Variants in DIDO1 observed in about 807,000 individuals in gnomAD.
The protein encoded by DIDO1 is death-inducer obliterator 1.
In DIDO1, 16 loss-of-function variants were observed where a neutral mutation model predicts 99.4. The ratio of observed to expected loss-of-function variants is 0.16; its 90% CI spans 0.11 to 0.24. DIDO1 has a LOEUF of 0.24. Among genes scored for constraint, DIDO1 ranks in the 10% least tolerant of loss-of-function variants. DIDO1 has a pLI of 1.00. For missense variants in DIDO1, 2,996 were observed against 3,014.0 expected (o/e 0.99, Z 0.14); for synonymous variants, 1,366 against 1,239.1 (o/e 1.10, Z -2.15).
chr20:62,887,067 C>T (rs927297637), intron 15 of DIDO1: 2 of 970,498 alleles, frequency 2.1e-6, no homozygotes, highest in African/African-American at 3.5e-5. Flanking sequence ...CACCAGCCTG[C>T]ACTGCGTCCT....
chr20:62,905,280 G>A (rs1158639443), intron 6 of DIDO1: 17 of 1,377,764 alleles, frequency 1.2e-5, no homozygotes, highest in Non-Finnish European at 1.4e-5. Context: ...AAGCAGGAGT[G>A]TGTGGCCTTC....
intron 1 of DIDO1, among the ~76,000 whole-genome samples, chr20:62,921,705 C>A (rs1233183743): frequency 6.7e-6 from 1 of 149,756 alleles, no homozygotes; most frequent in African/African-American, 2.5e-5. Flanking sequence ...CTGATCACGG[C>A]TCACTGCAGC....
intron 1 of DIDO1, among the ~76,000 whole-genome samples, chr20:62,936,966 T>G (rs377152844): frequency 4.6e-5 from 7 of 152,262 alleles, no homozygotes; most frequent in East Asian, 1.9e-4. Flanking sequence ...GAAGCATAAT[T>G]TTGTCAAGAC....
In DIDO1 at chr20:62,879,776, C is replaced by T; in HGVS notation, c.6180G>A (p.Glu2060=). The change falls in exon 16 of 16, where the codon GAG becomes GAA. Residue 2060 remains glutamate (E), a synonymous_variant. Transcript: ENST00000395343. The surrounding 1 kb of genome is among the most constrained non-coding windows in gnomAD (Gnocchi z 6.3). The stretch of plus-strand genomic sequence containing the variant: ...CGGCCGATGCCCACTGTCCGTCGGC[C>T]TCGGGGCCCTGTCCGGGCGCACTGG... The part of the protein sequence containing the change: ...LSSSAPGQGP[E]ADGQWASADF... The T allele has an allele frequency of 4.3e-6, 7 of 1,611,660 alleles. No homozygotes were observed. Among genetic ancestry groups the T allele is most frequent in the Non-Finnish European group, 3.4e-6 (4 of 1,179,784 alleles).
At position 62,888,937 on chromosome 20, in the gene DIDO1, T is replaced by C. The variant is rs1328507520; in HGVS notation, c.3541+2023A>G. On this transcript the variant is annotated intron_variant, in intron 15 of 15. Coordinates refer to ENST00000395343, the MANE Select transcript of DIDO1 (RefSeq NM_001193369.2). Reference sequence around the variant, plus strand: ...TCTGAAGTGTATGGAAAGGTTTCACTAGCTGTTACTTTTCTAAAGTCCCTT... The same window carrying C: ...TCTGAAGTGTATGGAAAGGTTTCACCAGCTGTTACTTTTCTAAAGTCCCTT... 9 of 985,480 alleles carry C rather than the reference T, an allele frequency of 9.1e-6. No individual in the cohort carries two copies. The East Asian group carries it at 5.7e-4, about 62-fold the overall frequency. The allele number at this position is 985,480 out of a possible 1,614,324, so 61.0% of individuals were successfully genotyped here.
At chr20:62,899,445 G>A (rs2064612434) in intron 6 of DIDO1, among the ~76,000 whole-genome samples, 1 of 152,130 alleles carries the variant, frequency 6.6e-6, no homozygotes. Flanking sequence ...CGTAAGTGTT[G>A]GAATGAGGCG....
Position 62,910,832 on chromosome 20 carries a change from A to T in DIDO1, c.781T>A (p.Cys261Ser). The change falls in exon 3 of 16, where the codon TGT (cysteine) becomes AGT (serine). Residue 261 changes from cysteine (C) to serine (S), a missense_variant. Physicochemically the swap from Cys to Ser is moderately radical, Grantham distance 112 (BLOSUM62 -1). Around this residue, in one of 5 missense-constraint regions of DIDO1, gnomAD observed 388 missense variants for 376.6 expected, o/e 1.03. Coordinates refer to ENST00000395343, the MANE Select transcript of DIDO1 (RefSeq NM_001193369.2). ...AGGGCGTTGGGGTCGTAACCCTCAC[A>T]TTCAGGCTTCGGTCGGCCCAAGTCT... is the stretch of plus-strand genomic sequence containing the variant. ...PGDLGRPKPE[C>S]EGYDPNALYC... The T allele has an allele frequency of 6.2e-7, 1 of 1,614,164 alleles. No homozygotes were observed. The highest frequency in any genetic ancestry group is 8.5e-7 in the Non-Finnish European group (1 of 1,180,034).
intron 6 of DIDO1, among the ~76,000 whole-genome samples, chr20:62,903,364 G>A (rs1302472442): frequency 1.2e-4 from 18 of 152,212 alleles, no homozygotes; most frequent in Admixed American, 1.2e-3. Flanking sequence ...AGCAGCAGCG[G>A]TAGCTCCACC....
At chr20:62,886,005 GGTGT>G (rs2064291486) in intron 15 of DIDO1, among the ~76,000 whole-genome samples, 1 of 152,246 alleles carries the variant, frequency 6.6e-6, no homozygotes, top group Admixed American at 6.5e-5. Flanking sequence ...GCTGCCCCGT[GGTGT>G]GTGAGCCCTG....
At chr20:62,890,326 C>G in intron 15 of DIDO1, 2 of 986,220 alleles carry the variant, frequency 2.0e-6, no homozygotes, top group Non-Finnish European at 2.4e-6. Flanking sequence ...ACTAACAGAG[C>G]ACGTGGCCCC....
intron 1 of DIDO1, among the ~76,000 whole-genome samples, chr20:62,924,216 T>C (rs1252059048): frequency 6.6e-6 from 1 of 152,216 alleles, no homozygotes; most frequent in Non-Finnish European, 1.5e-5. Context: ...GTCATTTAAA[T>C]AAGAAATGTA....
At chr20:62,912,874 A>G (rs191253532) in intron 2 of DIDO1, among the ~76,000 whole-genome samples, 10 of 152,336 alleles carry the variant, frequency 6.6e-5, no homozygotes, top group Admixed American at 4.6e-4. Context: ...TCTATTAAAA[A>G]TACAAAAATT....
chr20:62,879,755 C>T lies in DIDO1; in HGVS notation c.6201G>A (p.Ser2067=), dbSNP rs767855912. 6.2e-6 allele frequency: 10 copies of T among 1,611,722 alleles called. No homozygotes were observed. In the Admixed American group the frequency reaches 1.3e-4, roughly 21 times the overall value. Residue 2067 remains serine (S), a synonymous_variant, in exon 16 of 16, where the codon TCG becomes TCA. Transcript: ENST00000395343. The surrounding 1 kb of genome is among the most constrained non-coding windows in gnomAD (Gnocchi z 6.3). The part of the protein sequence containing the change: ...QGPEADGQWA[S]ADFREGKGHE... ...GGCCTTTCCCCTCTCGGAAGTCGGC[C>T]GATGCCCACTGTCCGTCGGCCTCGG...
At chr20:62,895,262 C>T (rs770978447) in intron 8 of DIDO1, 97 bp from the exon 9 acceptor site, 40 of 1,187,214 alleles carry the variant, frequency 3.4e-5, no homozygotes, top group Non-Finnish European at 4.8e-5. Flanking sequence ...GTTTAGCGGG[C>T]ACAGGACAAA....
intron 12 of DIDO1, 151 bp downstream of exon 12, chr20:62,893,515 A>G (rs1176968662): frequency 2.2e-6 from 2 of 898,170 alleles, no homozygotes; most frequent in Middle Eastern, 2.7e-4. Context: ...ACAATAAGGC[A>G]CCCTACAACT....
chr20:62,883,724 C>G (rs1328085512), intron 15 of DIDO1, among the ~76,000 whole-genome samples: 2 of 152,138 alleles, frequency 1.3e-5, no homozygotes, highest in African/African-American at 2.4e-5. Context: ...ACTCAGGAGG[C>G]TGAGGCAGGA....
rs1410077631 is a variant in DIDO1, at chr20:62,894,616, A to C, written c.2437-68T>G. 3.2e-6 allele frequency: 5 copies of C among 1,570,040 alleles called. No individual in the cohort carries two copies. The highest frequency in any genetic ancestry group is 3.4e-6 in the Non-Finnish European group (4 of 1,162,738). On this transcript the variant is annotated intron_variant, in intron 10 of 15. Coordinates refer to ENST00000395343, the MANE Select transcript of DIDO1 (RefSeq NM_001193369.2). The surrounding 1 kb of genome is among the most constrained non-coding windows in gnomAD (Gnocchi z 4.4). Reference sequence around the variant, plus strand: ...AAACTCAGCTCCAAATTAACCACACACAAGAAAAGCAGTCTCATGGGATTG... The same window carrying C: ...AAACTCAGCTCCAAATTAACCACACCCAAGAAAAGCAGTCTCATGGGATTG...
chr20:62,901,692 C>A (rs543491640), intron 6 of DIDO1, among the ~76,000 whole-genome samples: 5 of 151,894 alleles, frequency 3.3e-5, no homozygotes, highest in Non-Finnish European at 7.4e-5. Flanking sequence ...TCCAGGTTTG[C>A]GGCAAATGAA....
rs971055726 is a variant in DIDO1, at chr20:62,880,100, C to T, written c.5856G>A (p.Ala1952=). Reference sequence around the variant, plus strand: ...CCCTGGGACCTGGCATAAAGTTAGGCGCTTGGCCTCTGGGTCCTTCAAACT... The same window carrying T: ...CCCTGGGACCTGGCATAAAGTTAGGTGCTTGGCCTCTGGGTCCTTCAAACT... ...PNQFEGPRGQ[A]PNFMPGPRGI... Residue 1952 remains alanine (A), a synonymous_variant, in exon 16 of 16, where the codon GCG becomes GCA. Transcript: ENST00000395343. 3 of 1,612,454 alleles carry T rather than the reference C, an allele frequency of 1.9e-6. No homozygotes were observed. Among genetic ancestry groups the T allele is most frequent in the South Asian group, 1.1e-5 (1 of 91,084 alleles).
Sources: allele counts gnomAD v4.1 joint callset (sites outside exome capture counted in the v4.1 genomes callset), GRCh38; gene constraint gnomAD v4.1.1; regional missense constraint gnomAD v4.1.1; non-coding constraint Gnocchi (gnomAD v3.1); transcripts MANE v1.5; gene names NCBI Gene and HGNC (gene_info 2026-07-23, HGNC 2026-07-21).